The following COL1A1 variants were observed in gnomAD, a reference collection of about 807,000 sequenced individuals.
COL1A1 encodes collagen alpha-1(I) chain.
COL1A1 carries 21 observed loss-of-function variants against 195.7 expected under a neutral mutation model. The observed-to-expected ratio is 0.11, with a 90% confidence interval of 0.08 to 0.15. The LOEUF is 0.15. COL1A1 is among the 10% of genes least tolerant of loss of function. The pLI is 1.00. For synonymous variants in COL1A1, 749 were observed against 747.3 expected (o/e 1.00, Z -0.04); for missense variants, 1,365 against 2,051.0 (o/e 0.67, Z 6.46).
intron 46 of COL1A1, 148 bp downstream of exon 46, chr17:50,187,336 G>T: frequency 1.1e-6 from 1 of 888,614 alleles, no homozygotes. Flanking sequence ...AGATCAGATT[G>T]TTTGTTCAGG....
chr17:50,201,308 G>A lies in COL1A1; in HGVS notation c.103+103C>T. 9 of 1,053,908 alleles carry A rather than the reference G, an allele frequency of 8.5e-6. No homozygotes were observed. The South Asian group carries it at 1.1e-4, about 13-fold the overall frequency. The allele number at this position is 1,053,908 out of a possible 1,614,324, so 65.3% of individuals were successfully genotyped here. On this transcript the variant is annotated intron_variant, in intron 1 of 50. Coordinates refer to ENST00000225964, the MANE Select transcript of COL1A1 (RefSeq NM_000088.4). The stretch of plus-strand genomic sequence containing the variant: ...CCCTCATCATCTCCCTTCCATTCCC[G>A]AGTCTCCGGATCATCCACGTCTCGT...
intron 11 of COL1A1, 148 bp from the exon 12 acceptor site, chr17:50,196,818 C>G: frequency 8.7e-7 from 1 of 1,152,654 alleles, no homozygotes; most frequent in Non-Finnish European, 1.3e-6. Context: ...GGCTCTAGAT[C>G]TCACCCAATC....
Position 50,191,479 on chromosome 17 carries a change from A to G in COL1A1, c.2139T>C (p.Gly713=), listed in dbSNP as rs1036749967. 1.1e-5 allele frequency: 18 copies of G among 1,611,104 alleles called. No individual in the cohort carries two copies. Among genetic ancestry groups the G allele is most frequent in the African/African-American group, 1.3e-5 (1 of 74,706 alleles). The change falls in exon 32 of 51, where the codon GGT becomes GGC. Residue 713 remains glycine, a synonymous_variant. Coordinates refer to ENST00000225964, the MANE Select transcript of COL1A1 (RefSeq NM_000088.4). The part of the protein sequence containing the change: ...PGNDGAKGDA[G]APGAPGSQGA... ...CCTGGCTACCGGGAGCTCCAGGGGC[A>G]CCAGCATCACCCTATGTGACAACCA...
Position 50,188,084 on chromosome 17 carries a change from C to A in COL1A1, c.3261+12G>T. 1 of 1,612,010 alleles carries A rather than the reference C, an allele frequency of 6.2e-7. No homozygotes were observed. Among genetic ancestry groups the A allele is most frequent in the African/African-American group, 1.3e-5 (1 of 74,994 alleles). On this transcript the variant is annotated intron_variant, in intron 44 of 50. Coordinates refer to ENST00000225964, the MANE Select transcript of COL1A1 (RefSeq NM_000088.4). This position sits in a 1 kb window ranked among gnomAD's most constrained non-coding sequence, Gnocchi z 5.6. Reference sequence around the variant, plus strand: ...AGTTCTAAAGGCATGGGGGACACAGCAGGGTACTTACGGCGGGGCCACGGG... The same window carrying A: ...AGTTCTAAAGGCATGGGGGACACAGAAGGGTACTTACGGCGGGGCCACGGG...
chr17:50,194,100 G>A lies in COL1A1; in HGVS notation c.1668+30C>T. On this transcript the variant is annotated intron_variant, in intron 24 of 50. Transcript: ENST00000225964. The surrounding 1 kb of genome is among the most constrained non-coding windows in gnomAD (Gnocchi z 6.8). ...ACAGCAGGGAGGCAGACAGGACAAT[G>A]GCAGGGGGTTCAGGGGGAGTGATAC... 2 of 1,611,838 alleles carry A rather than the reference G, an allele frequency of 1.2e-6. No individual in the cohort carries two copies. The highest frequency in any genetic ancestry group is 1.3e-5 in the African/African-American group (1 of 74,962).
chr17:50,188,356 G>A lies in COL1A1; in HGVS notation c.3207+174C>T. The A allele has an allele frequency of 1.2e-6, 1 of 813,962 alleles. No individual in the cohort carries two copies. Among genetic ancestry groups the A allele is most frequent in the East Asian group, 2.7e-5 (1 of 37,622 alleles). The allele number at this position is 813,962 out of a possible 1,614,324, so 50.4% of individuals were successfully genotyped here. On this transcript the variant is annotated intron_variant, in intron 43 of 50. Coordinates refer to ENST00000225964, the MANE Select transcript of COL1A1 (RefSeq NM_000088.4). The surrounding 1 kb of genome is among the most constrained non-coding windows in gnomAD (Gnocchi z 5.6). ...GGAGAGGCGGTCCTGTCTGGGAGAG[G>A]GGACTTGGGGCTGAGCTTTAACTCA... is the stretch of plus-strand genomic sequence containing the variant.
At chr17:50,200,120 C>G in intron 1 of COL1A1, 173 bp from the exon 2 acceptor site, 1 of 712,256 alleles carries the variant, frequency 1.4e-6, no homozygotes. Context: ...CGGGTGACAG[C>G]GCCGAGGCGC....
At position 50,195,798 on chromosome 17, in the gene COL1A1, A is replaced by C; in HGVS notation, c.1056+125T>G. 7.4e-7 allele frequency: 1 copy of C among 1,345,408 alleles called. No individual in the cohort carries two copies. The highest frequency in any genetic ancestry group is 1.5e-5 in the African/African-American group (1 of 68,884). 83.3% of individuals were successfully genotyped at this position (1,345,408 alleles called of 1,614,324 possible). The stretch of plus-strand genomic sequence containing the variant: ...CTCTAAGATCAGAGACGGAGAACCC[A>C]GGACAAAGGTGTTAGTGAACGGGCT... On this transcript the variant is annotated intron_variant, in intron 16 of 50. Coordinates refer to ENST00000225964, the MANE Select transcript of COL1A1 (RefSeq NM_000088.4). This position sits in a 1 kb window ranked among gnomAD's most constrained non-coding sequence, Gnocchi z 4.3.
chr17:50,192,448 C>A (rs559566578), intron 29 of COL1A1, 27 bp downstream of exon 29: 4 of 1,582,606 alleles, frequency 2.5e-6, no homozygotes, highest in Non-Finnish European at 3.4e-6. Flanking sequence ...GCATCTCCCA[C>A]CCCTCTGGCC....
rs904057644 is a variant in COL1A1, at chr17:50,199,426, C to A, written c.361G>T (p.Gly121Cys). The A allele has an allele frequency of 7.4e-6, 12 of 1,614,092 alleles. No homozygotes were observed. Among genetic ancestry groups the A allele is most frequent in the Non-Finnish European group, 1.0e-5 (12 of 1,179,972 alleles). The change falls in exon 4 of 51, where the codon GGC becomes TGC. Residue 121 changes from glycine to cysteine, a missense_variant. By Grantham distance (159) the Gly-to-Cys change is radical (BLOSUM62 -3). Coordinates refer to ENST00000225964, the MANE Select transcript of COL1A1 (RefSeq NM_000088.4). ...EGPKGDTGPR[G>C]PRGPAGPPGR... Reference sequence around the variant, plus strand: ...CAGAGTGCAACGCTTACCCTTGGGCCTCGGGGGCCAGTGTCTCCCTTGGGT... The same window carrying A: ...CAGAGTGCAACGCTTACCCTTGGGCATCGGGGGCCAGTGTCTCCCTTGGGT...
rs1390170128 is a variant in COL1A1, at chr17:50,194,993, G to C, written c.1353+54C>G. ...TCTTCCTTTCTGGATTTCCCTCAGGGGGCTCCTAGGGCAGGGTGGGCTGGG... is the reference window on the plus strand; with the variant it reads ...TCTTCCTTTCTGGATTTCCCTCAGGCGGCTCCTAGGGCAGGGTGGGCTGGG... On this transcript the variant is annotated intron_variant, in intron 20 of 50. Coordinates refer to ENST00000225964, the MANE Select transcript of COL1A1 (RefSeq NM_000088.4). This position sits in a 1 kb window ranked among gnomAD's most constrained non-coding sequence, Gnocchi z 6.8. 1 of 1,580,156 alleles carries C rather than the reference G, an allele frequency of 6.3e-7. No homozygotes were observed. Among genetic ancestry groups the C allele is most frequent in the African/African-American group, 1.3e-5 (1 of 74,176 alleles).
Position 50,196,680 on chromosome 17 carries a change from G to A in COL1A1, c.805-10C>T, listed in dbSNP as rs746606358. The A allele has an allele frequency of 1.1e-5, 18 of 1,614,174 alleles. No homozygotes were observed. The highest frequency in any genetic ancestry group is 1.5e-5 in the Non-Finnish European group (18 of 1,180,008). On this transcript the variant is annotated splice_polypyrimidine_tract_variant and intron_variant, in intron 11 of 50. Coordinates refer to ENST00000225964, the MANE Select transcript of COL1A1 (RefSeq NM_000088.4). ...CCAAACCACTGAAACCCTAAAGCAG[G>A]AAAGAGGTAGAAGGTAAGAACCTGT...
chr17:50,190,329 G>A lies in COL1A1; in HGVS notation c.2449C>T (p.Pro817Ser), dbSNP rs769167761. 2.5e-6 allele frequency: 4 copies of A among 1,591,118 alleles called. No individual in the cohort carries two copies. The highest frequency in any genetic ancestry group is 2.2e-5 in the East Asian group (1 of 44,772). The part of the protein sequence containing the change: ...PPGPAGFAGP[P>S]GADGQPGAKG... ...ATGATGGGGGTCTTGGTACTCACAG[G>A]GGGGCCAGCAAAGCCAGCAGGGCCG... The change falls in exon 35 of 51, where the codon CCT becomes TCT. Residue 817 changes from proline (P) to serine (S), a missense_variant and splice_region_variant. This residue lies in a region of COL1A1 where 671 missense variants were observed against 1,099.9 expected (regional missense o/e 0.61). Coordinates refer to ENST00000225964, the MANE Select transcript of COL1A1 (RefSeq NM_000088.4). The surrounding 1 kb of genome is among the most constrained non-coding windows in gnomAD (Gnocchi z 4.7).
intron 9 of COL1A1, 124 bp from the exon 10 acceptor site, chr17:50,197,357 T>G: frequency 1.1e-6 from 1 of 936,898 alleles, no homozygotes; most frequent in Non-Finnish European, 1.7e-6. Context: ...CCCAGAATCT[T>G]ATCTTTGAAT....
chr17:50,193,696 TG>T, intron 25 of COL1A1: 1 of 504,018 alleles, frequency 2.0e-6, no homozygotes, highest in Admixed American at 3.1e-5. Context: ...TTGGCCCGAC[TG>T]GTCTCAAACT....
In COL1A1 at chr17:50,197,942, T is replaced by C; in HGVS notation, c.642+7A>G. 3 of 1,613,690 alleles carry C rather than the reference T, an allele frequency of 1.9e-6. No homozygotes were observed. The highest frequency in any genetic ancestry group is 2.5e-6 in the Non-Finnish European group (3 of 1,179,816). On this transcript the variant is annotated splice_region_variant and intron_variant, in intron 8 of 50. Coordinates refer to ENST00000225964, the MANE Select transcript of COL1A1 (RefSeq NM_000088.4). ...AAGGAGTATGAATCTGTATAGAGAGTGCTTACTGAAGCTCCAGGCTCGCCA... is the reference window on the plus strand; with the variant it reads ...AAGGAGTATGAATCTGTATAGAGAGCGCTTACTGAAGCTCCAGGCTCGCCA...
chr17:50,198,118 A>C, intron 7 of COL1A1, 43 bp downstream of exon 7: 2 of 1,612,974 alleles, frequency 1.2e-6, no homozygotes, highest in South Asian at 1.1e-5. Context: ...CCTCCAAAAG[A>C]CCAAAGCCCA....
rs2144575871 is a variant in COL1A1, at chr17:50,195,301, G to A, written c.1230C>T (p.Gly410=). 1.2e-6 allele frequency: 2 copies of A among 1,613,926 alleles called. No homozygotes were observed. Among genetic ancestry groups the A allele is most frequent in the Non-Finnish European group, 1.7e-6 (2 of 1,179,928 alleles). The change falls in exon 19 of 51, where the codon GGC becomes GGT. Residue 410 remains glycine, a synonymous_variant. Transcript: ENST00000225964. The surrounding 1 kb of genome is among the most constrained non-coding windows in gnomAD (Gnocchi z 4.3). ...CAGAGGGGCCTCGGGCACCAGGGAA[G>A]CCAGGAGCACCAGCAATACCAGGAG... is the stretch of plus-strand genomic sequence containing the variant. The part of the protein sequence containing the change: ...NGAPGIAGAP[G]FPGARGPSGP...
rs1907931785 is a variant in COL1A1 at position 50,199,872 on chromosome 17, A to G, written c.179T>C (p.Ile60Thr). 2 of 1,613,968 alleles carry G rather than the reference A, an allele frequency of 1.2e-6. No homozygotes were observed. Among genetic ancestry groups the G allele is most frequent in the Non-Finnish European group, 1.7e-6 (2 of 1,180,018 alleles). Residue 60 changes from isoleucine to threonine, a missense_variant, in exon 2 of 51, where the codon ATC becomes ACC. By Grantham distance (89) the Ile-to-Thr change is moderately conservative. Around this residue, in one of 5 missense-constraint regions of COL1A1, gnomAD observed 194 missense variants for 221.7 expected, o/e 0.88. Coordinates refer to ENST00000225964, the MANE Select transcript of COL1A1 (RefSeq NM_000088.4). ...CACCTTGCCGTTGTCGCAGACGCAG[A>G]TCCGGCAGGGCTCGGGTTTCCACAC... Reference protein sequence around the residue: ...RDVWKPEPCRICVCDNGKVLC... With the variant: ...RDVWKPEPCRTCVCDNGKVLC...
Sources: gnomAD v4.1 joint callset for allele counts on GRCh38, gnomAD v4.1.1 for gene constraint, gnomAD v4.1.1 regional missense constraint, Gnocchi (gnomAD v3.1) non-coding constraint, MANE v1.5 for transcripts, NCBI Gene and HGNC (gene_info 2026-07-23, HGNC 2026-07-21) for gene names.